Variants in TCF4 observed in about 807,000 individuals in gnomAD.
TCF4 encodes the protein transcription factor 4.
TCF4 carries 3 observed loss-of-function variants against 82.1 expected under a neutral mutation model. The observed-to-expected ratio is 0.04, with a 90% CI of 0.02 to 0.09. The LOEUF is 0.09. Among genes scored for constraint, TCF4 ranks in the 10% least tolerant of loss-of-function variants. TCF4 has a pLI of 1.00. For missense variants in TCF4, 518 were observed against 852.7 expected, an observed-to-expected ratio of 0.61 and a Z score of 4.89; for synonymous variants, 276 against 309.6, an observed-to-expected ratio of 0.89 and a Z score of 1.14.
chr18:55,566,919 A>T lies in TCF4; in HGVS notation c.145+18361T>A, dbSNP rs187502184. ...GACCAAATAGAATTTTAAAATTCAC[A>T]AATAGATACATTACAGTAAAACTGC... On this transcript the variant is annotated intron_variant, in intron 3 of 19. Coordinates refer to ENST00000354452, the MANE Select transcript of TCF4 (RefSeq NM_001083962.2). Among the ~76,000 whole-genome samples the T allele has an allele frequency of 3.3e-3, 507 of 152,342 alleles. 2 individuals carry two copies. The highest frequency in any genetic ancestry group is 0.012 in the African/African-American group (488 of 41,594).
intron 3 of TCF4, chr18:55,496,504 G>C (rs1308219698): frequency 6.6e-6 from 1 of 151,378 alleles, no homozygotes; most frequent in African/African-American, 2.4e-5. Context: ...TGCATGAACA[G>C]TTCCTCTCAA....
intron 3 of TCF4, among the ~76,000 whole-genome samples, chr18:55,503,753 A>AGATT (rs1378105369): frequency 6.6e-6 from 1 of 152,210 alleles, no homozygotes; most frequent in African/African-American, 2.4e-5. Context: ...GAGGGAGCAG[A>AGATT]GATTGGCACA....
chr18:55,527,702 A>C (rs1456629530), intron 3 of TCF4, among the ~76,000 whole-genome samples: 1 of 152,222 alleles, frequency 6.6e-6, no homozygotes, highest in Non-Finnish European at 1.5e-5. Flanking sequence ...TTATTGAAAA[A>C]GAGAGTTCTT....
chr18:55,335,221 C>CT (rs1420101144), intron 8 of TCF4, among the ~76,000 whole-genome samples: 6 of 152,218 alleles, frequency 3.9e-5, no homozygotes, highest in Non-Finnish European at 8.8e-5. Flanking sequence ...TACCTAGGCA[C>CT]AATGGCTGTG....
chr18:55,504,316 TC>T (rs1453814014), intron 3 of TCF4, among the ~76,000 whole-genome samples: 2 of 152,208 alleles, frequency 1.3e-5, no homozygotes, highest in African/African-American at 4.8e-5. Flanking sequence ...CCCAGCTCCT[TC>T]CTTGAATGCT....
intron 5 of TCF4, among the ~76,000 whole-genome samples, chr18:55,412,349 G>GT (rs545341480): frequency 0.03 from 4,255 of 140,706 alleles, 166 homozygotes; most frequent in African/African-American, 0.085. Flanking sequence ...AATGAAGGCT[G>GT]TTTTTTTTTT....
intron 8 of TCF4, among the ~76,000 whole-genome samples, chr18:55,345,634 A>G (rs1235465608): frequency 6.6e-6 from 1 of 152,192 alleles, no homozygotes; most frequent in Non-Finnish European, 1.5e-5. Context: ...CTTAACAATT[A>G]TACTTCTTCA....
chr18:55,236,612 T>C (rs970420009), intron 15 of TCF4, among the ~76,000 whole-genome samples: 1 of 152,188 alleles, frequency 6.6e-6, no homozygotes, highest in Non-Finnish European at 1.5e-5. Flanking sequence ...TTCAGAAGCA[T>C]GATAGCTATT....
At chr18:55,276,848 A>G (rs1487867978) in intron 9 of TCF4, among the ~76,000 whole-genome samples, 1 of 152,178 alleles carries the variant, frequency 6.6e-6, no homozygotes, top group East Asian at 1.9e-4. Context: ...CTGACACTGT[A>G]TTTCGTGAAG....
chr18:55,297,555 T>C (rs1488804430), intron 8 of TCF4, among the ~76,000 whole-genome samples: 1 of 152,134 alleles, frequency 6.6e-6, no homozygotes, highest in Non-Finnish European at 1.5e-5. Flanking sequence ...GAGAGGAAAG[T>C]AGTTAGCTCC....
At chr18:55,508,049 C>T (rs1190293916) in intron 3 of TCF4, among the ~76,000 whole-genome samples, 2 of 152,060 alleles carry the variant, frequency 1.3e-5, no homozygotes. Context: ...CAGTGCGGGA[C>T]AGGGAGGCTT....
At chr18:55,356,210 G>T (rs993742216) in intron 6 of TCF4, among the ~76,000 whole-genome samples, 1 of 152,116 alleles carries the variant, frequency 6.6e-6, no homozygotes, top group Non-Finnish European at 1.5e-5. Flanking sequence ...TGCACCAAAA[G>T]TTATGAGTGA....
chr18:55,514,409 A>G (rs1242884433), intron 3 of TCF4, among the ~76,000 whole-genome samples: 3 of 124,334 alleles, frequency 2.4e-5, no homozygotes, highest in East Asian at 5.5e-4. Flanking sequence ...ATCCATGCAC[A>G]CACACACACA....
chr18:55,341,571 G>A lies in TCF4; in HGVS notation c.549+8788C>T, dbSNP rs754446711. Among the ~76,000 whole-genome samples the A allele has an allele frequency of 7.2e-5, 11 of 152,144 alleles. 1 individual carries two copies. Among genetic ancestry groups the A allele is most frequent in the Non-Finnish European group, 1.5e-4 (10 of 68,012 alleles). ...GGTGTGTAAGTAGAGGCTGTCAGAC[G>A]TTATACTTGAAAGGTCTTTTTATGT... is the stretch of plus-strand genomic sequence containing the variant. On this transcript the variant is annotated intron_variant, in intron 8 of 19. Coordinates refer to ENST00000354452, the MANE Select transcript of TCF4 (RefSeq NM_001083962.2).
intron 8 of TCF4, chr18:55,322,370 G>A: frequency 1.0e-6 from 1 of 977,178 alleles, no homozygotes; most frequent in Non-Finnish European, 1.2e-6. Flanking sequence ...TCCCAGCATT[G>A]TACGCAGCTG....
chr18:55,347,891 C>A (rs1273959443), intron 8 of TCF4, among the ~76,000 whole-genome samples: 1 of 152,106 alleles, frequency 6.6e-6, no homozygotes, highest in East Asian at 1.9e-4. Flanking sequence ...CATAATCACT[C>A]CAAAGGAAAC....
intron 3 of TCF4, among the ~76,000 whole-genome samples, chr18:55,549,348 C>T (rs1021140384): frequency 3.3e-5 from 5 of 151,936 alleles, no homozygotes; most frequent in African/African-American, 1.2e-4. Flanking sequence ...AAAAAATTGA[C>T]CTTAGCTTAC....
chr18:55,329,188 C>T (rs934193033), intron 8 of TCF4, among the ~76,000 whole-genome samples: 1 of 152,326 alleles, frequency 6.6e-6, no homozygotes, highest in East Asian at 1.9e-4. Flanking sequence ...ATCTAAGTTC[C>T]CTCAAGGCCA....
In TCF4 at chr18:55,490,709, A is replaced by G. The variant is rs548125512; in HGVS notation, c.146-26572T>C. On this transcript the variant is annotated intron_variant, in intron 3 of 19. Coordinates refer to ENST00000354452, the MANE Select transcript of TCF4 (RefSeq NM_001083962.2). ...AGCAACCTCATTAAAGGCAGACACCATTTCCTCCACTTTCTCCATAAGGCC... is the reference window on the plus strand; with the variant it reads ...AGCAACCTCATTAAAGGCAGACACCGTTTCCTCCACTTTCTCCATAAGGCC... 1.6e-4 allele frequency among the ~76,000 whole-genome samples: 24 copies of G among 152,300 alleles called. No homozygotes were observed. In the South Asian group the frequency reaches 5.0e-3, roughly 32 times the overall value.
Sources: allele counts gnomAD v4.1 joint callset (sites outside exome capture counted in the v4.1 genomes callset), GRCh38; gene constraint gnomAD v4.1.1; transcripts MANE v1.5; gene names NCBI Gene and HGNC (gene_info 2026-07-23, HGNC 2026-07-21).